Variants in CRPPA observed in about 807,000 individuals in gnomAD.
CRPPA encodes the protein CDP-L-ribitol pyrophosphorylase A, also known as D-ribitol-5-phosphate cytidylyltransferase.
In CRPPA, 43 loss-of-function variants were observed where a neutral mutation model predicts 52.0. That is an observed-to-expected ratio of 0.83 (90% CI 0.65 to 1.07). The LOEUF is 1.07. CRPPA is among the 50% of genes least tolerant of loss of function. The pLI, the probability that CRPPA is intolerant of heterozygous loss-of-function variation, is 0.00. For synonymous variants in CRPPA, 250 were observed against 203.5 expected, an observed-to-expected ratio of 1.23 and a Z score of -1.94; for missense variants, 629 against 551.7, an observed-to-expected ratio of 1.14 and a Z score of -1.40.
At chr7:16,231,431 T>A (rs1277493015) in intron 8 of CRPPA, among the ~76,000 whole-genome samples, 6 of 152,180 alleles carry the variant, frequency 3.9e-5, no homozygotes, top group Admixed American at 3.9e-4. Context: ...AAAGTGTTAA[T>A]GGAAAGGGCT....
chr7:16,123,391 T>C (rs1782514765), intron 9 of CRPPA, among the ~76,000 whole-genome samples: 1 of 152,070 alleles, frequency 6.6e-6, no homozygotes, highest in Non-Finnish European at 1.5e-5. Flanking sequence ...AAATTTCAGA[T>C]AAGTCCAAAG....
At chr7:16,107,621 T>C (rs61059482) in intron 9 of CRPPA, among the ~76,000 whole-genome samples, 5,778 of 152,072 alleles carry the variant, frequency 0.038, 324 homozygotes, top group East Asian at 0.3. Context: ...GTAAAGCAAG[T>C]TTTTTAAACT....
In CRPPA at chr7:16,406,356, T is replaced by G; in HGVS notation, c.258-19A>C. ...ACATACTCTAAAAGGAAAGTATATG[T>G]ACAATTCGTAAATTAATTCTTAGAC... On this transcript the variant is annotated intron_variant, in intron 1 of 9. Coordinates refer to ENST00000407010, the MANE Select transcript of CRPPA (RefSeq NM_001101426.4). 6.3e-7 allele frequency: 1 copy of G among 1,592,534 alleles called. No individual in the cohort carries two copies. Among genetic ancestry groups the G allele is most frequent in the Non-Finnish European group, 8.6e-7 (1 of 1,163,928 alleles).
At chr7:16,264,676 C>T (rs1783906051) in intron 6 of CRPPA, among the ~76,000 whole-genome samples, 1 of 152,198 alleles carries the variant, frequency 6.6e-6, no homozygotes, top group African/African-American at 2.4e-5. Context: ...AATCTTCCAA[C>T]TTCTAGCCTC....
intron 3 of CRPPA, among the ~76,000 whole-genome samples, chr7:16,348,036 G>C (rs1035280291): frequency 6.6e-6 from 1 of 152,044 alleles, no homozygotes; most frequent in African/African-American, 2.4e-5. Context: ...GGAGATTTAC[G>C]ACACATTCTT....
chr7:16,176,245 A>G (rs1781294103), intron 9 of CRPPA, among the ~76,000 whole-genome samples: 1 of 152,072 alleles, frequency 6.6e-6, no homozygotes, highest in African/African-American at 2.4e-5. Flanking sequence ...AAGAGAGAAG[A>G]CCAAATGTCA....
intron 9 of CRPPA, among the ~76,000 whole-genome samples, chr7:16,123,026 G>C (rs549813020): frequency 6.6e-6 from 1 of 152,132 alleles, no homozygotes; most frequent in East Asian, 1.9e-4. Flanking sequence ...AGTAAAAAGT[G>C]TCTTAGTTTT....
intron 6 of CRPPA, among the ~76,000 whole-genome samples, chr7:16,263,503 G>A (rs1783868401): frequency 6.6e-6 from 1 of 152,192 alleles, no homozygotes; most frequent in Non-Finnish European, 1.5e-5. Context: ...TGTCATCCCA[G>A]CACTCTGGGA....
intron 2 of CRPPA, among the ~76,000 whole-genome samples, chr7:16,400,491 C>G (rs571098369): frequency 1.3e-5 from 2 of 152,200 alleles, no homozygotes; most frequent in Non-Finnish European, 2.9e-5. Flanking sequence ...CCATGACCAA[C>G]ATGTATAACA....
At position 16,380,879 on chromosome 7, in the gene CRPPA, CT is replaced by C. The variant is rs200755328; in HGVS notation, c.535-4639del. Among the ~76,000 whole-genome samples the C allele has an allele frequency of 1.5e-3, 232 of 152,112 alleles. 4 individuals are homozygous for C. In the East Asian group the frequency reaches 0.033, roughly 22 times the overall value. ...CATTGTGTCTATTTGATTCTTCTCT[CT>C]TTTCTTCTTTATTAGTCTTGCTAGC... On this transcript the variant is annotated intron_variant, in intron 2 of 9. Transcript: ENST00000407010.
chr7:16,410,477 A>C (rs1583588786), intron 1 of CRPPA, among the ~76,000 whole-genome samples: 1 of 152,182 alleles, frequency 6.6e-6, no homozygotes, highest in African/African-American at 2.4e-5. Context: ...TTCTGGCTCT[A>C]CTGCCACGGC....
intron 8 of CRPPA, among the ~76,000 whole-genome samples, chr7:16,241,692 T>C (rs955165283): frequency 6.6e-6 from 1 of 152,112 alleles, no homozygotes; most frequent in Non-Finnish European, 1.5e-5. Flanking sequence ...TAGAAAAGGA[T>C]ATTTTGGGAA....
At chr7:16,273,497 G>T (rs1295132) in intron 6 of CRPPA, among the ~76,000 whole-genome samples, 97,856 of 151,050 alleles carry the variant, frequency 0.65, 32,994 homozygotes, top group African/African-American at 0.84. Context: ...CAGAGAAGAG[G>T]TCAGCAGGGG....
At chr7:16,119,167 T>G (rs1431199948) in intron 9 of CRPPA, among the ~76,000 whole-genome samples, 1 of 152,118 alleles carries the variant, frequency 6.6e-6, no homozygotes, top group African/African-American at 2.4e-5. Context: ...CTTAACTGCT[T>G]GATAAGACTC....
chr7:16,097,137 T>G (rs1162381449), intron 9 of CRPPA, among the ~76,000 whole-genome samples: 2 of 152,132 alleles, frequency 1.3e-5, no homozygotes, highest in Admixed American at 1.3e-4. Flanking sequence ...AAACCTTTTT[T>G]GCTTGAAAAT....
At chr7:16,310,711 G>C (rs1785017401) in intron 3 of CRPPA, among the ~76,000 whole-genome samples, 1 of 151,916 alleles carries the variant, frequency 6.6e-6, no homozygotes, top group African/African-American at 2.4e-5. Context: ...ATATTCCAAA[G>C]ATGAACAACA....
At chr7:16,364,990 T>G (rs4721494) in intron 3 of CRPPA, among the ~76,000 whole-genome samples, 1 of 152,138 alleles carries the variant, frequency 6.6e-6, no homozygotes, top group African/African-American at 2.4e-5. Context: ...AAGGTCAATA[T>G]CAAGTGTATC....
Position 16,389,925 on chromosome 7 carries a change from AAAAATATATATATATATAT to A in CRPPA, c.535-13703_535-13685del, listed in dbSNP as rs1174815312. On this transcript the variant is annotated intron_variant, in intron 2 of 9. Coordinates refer to ENST00000407010, the MANE Select transcript of CRPPA (RefSeq NM_001101426.4). ...CAAGCCTAGTATACAAAAAAAAAAA[AAAAATATATATATATATAT>A]ATATATATATATATCAGTTTACTGC... Among the ~76,000 whole-genome samples the A allele has an allele frequency of 5.0e-4, 36 of 72,366 alleles. 1 individual carries two copies. The highest frequency in any genetic ancestry group is 1.8e-3 in the African/African-American group (34 of 18,608). 47.5% of individuals were successfully genotyped at this position (72,366 alleles called of 152,430 possible).
intron 8 of CRPPA, among the ~76,000 whole-genome samples, chr7:16,216,842 AAGGCG>A (rs1031642183): frequency 6.6e-6 from 1 of 152,212 alleles, no homozygotes; most frequent in African/African-American, 2.4e-5. Context: ...ATCAAACTGC[AAGGCG>A]GCAGCGAGGC....
Sources: allele counts gnomAD v4.1 joint callset (sites outside exome capture counted in the v4.1 genomes callset), GRCh38; gene constraint gnomAD v4.1.1; transcripts MANE v1.5; gene names NCBI Gene and HGNC (gene_info 2026-07-23, HGNC 2026-07-21).